Variants in CACNA2D3 observed in about 807,000 individuals in gnomAD.
CACNA2D3 encodes calcium voltage-gated channel auxiliary subunit alpha2delta 3.
In CACNA2D3, 60 loss-of-function variants were observed where a neutral mutation model predicts 160.6. The observed-to-expected ratio is 0.37, with a 90% CI of 0.30 to 0.46. CACNA2D3 has a LOEUF of 0.46. Ranked by LOEUF, CACNA2D3 falls within the 20% of genes least tolerant of loss-of-function variation. The pLI is 1.00. For missense variants in CACNA2D3, 1,205 were observed against 1,365.0 expected, an observed-to-expected ratio of 0.88 and a Z score of 1.85; for synonymous variants, 558 against 492.9, an observed-to-expected ratio of 1.13 and a Z score of -1.75.
At chr3:54,354,529 A>G (rs1478144860) in intron 3 of CACNA2D3, among the ~76,000 whole-genome samples, 1 of 152,198 alleles carries the variant, frequency 6.6e-6, no homozygotes, top group Non-Finnish European at 1.5e-5. Flanking sequence ...TTTTCATCCA[A>G]GGGCCCCTCC....
At chr3:54,359,672 G>A (rs1158141468) in intron 3 of CACNA2D3, among the ~76,000 whole-genome samples, 1 of 152,176 alleles carries the variant, frequency 6.6e-6, no homozygotes, top group African/African-American at 2.4e-5. Flanking sequence ...CATTATAGTT[G>A]CATGACATCT....
intron 11 of CACNA2D3, among the ~76,000 whole-genome samples, chr3:54,704,737 C>T (rs1700826044): frequency 6.6e-6 from 1 of 152,070 alleles, no homozygotes; most frequent in South Asian, 2.1e-4. Flanking sequence ...TGTGGGACTC[C>T]TTCCTATTGT....
intron 4 of CACNA2D3, among the ~76,000 whole-genome samples, chr3:54,475,273 A>C (rs374177043): frequency 2.6e-5 from 4 of 152,268 alleles, no homozygotes; most frequent in Admixed American, 1.3e-4. Context: ...GTGTGCAACA[A>C]ATAGTCCTGA....
chr3:54,901,937 G>A (rs1034290025), intron 27 of CACNA2D3, among the ~76,000 whole-genome samples: 3 of 152,088 alleles, frequency 2.0e-5, no homozygotes. Flanking sequence ...GATTAGGTTT[G>A]GTAACTTTCC....
chr3:54,564,585 T>A (rs1702379554), intron 6 of CACNA2D3, among the ~76,000 whole-genome samples: 1 of 152,192 alleles, frequency 6.6e-6, no homozygotes, highest in Non-Finnish European at 1.5e-5. Context: ...TGCGAGGATG[T>A]TTTTCTTTTC....
chr3:54,964,756 C>A (rs552481866), intron 27 of CACNA2D3, among the ~76,000 whole-genome samples: 1 of 152,108 alleles, frequency 6.6e-6, no homozygotes, highest in South Asian at 2.1e-4. Context: ...TAGAGTTGGC[C>A]ATAGGATTCC....
At chr3:54,603,658 G>A (rs1274484368) in intron 9 of CACNA2D3, among the ~76,000 whole-genome samples, 1 of 152,238 alleles carries the variant, frequency 6.6e-6, no homozygotes, top group Non-Finnish European at 1.5e-5. Context: ...GACATGCTGG[G>A]AAGAGGAGCA....
At chr3:54,740,072 A>T (rs1196813886) in intron 11 of CACNA2D3, among the ~76,000 whole-genome samples, 1 of 151,950 alleles carries the variant, frequency 6.6e-6, no homozygotes. Flanking sequence ...GGGAAACATA[A>T]AACAGAAAAG....
rs190851153 is a variant in CACNA2D3 at position 54,659,400 on chromosome 3, A to G, written c.1167+17159A>G. 1.3e-3 allele frequency among the ~76,000 whole-genome samples: 191 copies of G among 152,312 alleles called. 1 individual carries two copies. The highest frequency in any genetic ancestry group is 4.3e-3 in the African/African-American group (180 of 41,576). On this transcript the variant is annotated intron_variant, in intron 11 of 37. Coordinates refer to ENST00000474759, the MANE Select transcript of CACNA2D3 (RefSeq NM_018398.3). ...CAGCACTTTTATGATACAGATATTT[A>G]TAGTATATCCCTTTTGTAAGTGAGA...
chr3:54,254,206 C>A (rs1185006989), intron 2 of CACNA2D3, among the ~76,000 whole-genome samples: 2 of 152,164 alleles, frequency 1.3e-5, no homozygotes, highest in African/African-American at 4.8e-5. Flanking sequence ...GATGCTCTCC[C>A]ATCAGATGGC....
chr3:54,345,595 G>C (rs978175105), intron 3 of CACNA2D3, among the ~76,000 whole-genome samples: 1 of 152,120 alleles, frequency 6.6e-6, no homozygotes, highest in Non-Finnish European at 1.5e-5. Context: ...GAGAGGCTGA[G>C]ACATTGTTTT....
chr3:54,737,521 A>G (rs1013503660), intron 11 of CACNA2D3, among the ~76,000 whole-genome samples: 10 of 152,088 alleles, frequency 6.6e-5, no homozygotes, highest in Non-Finnish European at 1.0e-4. Flanking sequence ...GCCTGGGAAG[A>G]AGAGGGTGGT....
intron 2 of CACNA2D3, among the ~76,000 whole-genome samples, chr3:54,259,998 C>A (rs980830545): frequency 4.6e-5 from 7 of 152,312 alleles, no homozygotes; most frequent in Admixed American, 3.9e-4. Flanking sequence ...CTTGGGAATT[C>A]AGAATCTTTA....
intron 31 of CACNA2D3, among the ~76,000 whole-genome samples, chr3:54,998,930 T>G (rs1702920376): frequency 6.6e-6 from 1 of 152,090 alleles, no homozygotes; most frequent in African/African-American, 2.4e-5. Flanking sequence ...ATATTTTTAG[T>G]AGAGACGGGG....
At chr3:54,881,483 A>G (rs373261080) in intron 21 of CACNA2D3, among the ~76,000 whole-genome samples, 1 of 152,236 alleles carries the variant, frequency 6.6e-6, no homozygotes. Context: ...AAACAGGAGC[A>G]GTTGTTATAG....
rs72877968 is a variant in CACNA2D3, at chr3:54,957,794, G to A, written c.2450-10656G>A. Among the ~76,000 whole-genome samples, 453 of 152,178 alleles carry A rather than the reference G, an allele frequency of 3.0e-3. 2 individuals are homozygous for A. Among genetic ancestry groups the A allele is most frequent in the African/African-American group, 0.01 (431 of 41,504 alleles). ...ATCTCTCACCCGGTAGGATGAGCAC[G>A]CATGACCCCTACACAGTCCCCCAGA... On this transcript the variant is annotated intron_variant, in intron 27 of 37. Transcript: ENST00000474759.
intron 13 of CACNA2D3, among the ~76,000 whole-genome samples, chr3:54,799,954 T>C (rs1702947559): frequency 6.6e-6 from 1 of 152,242 alleles, no homozygotes; most frequent in Non-Finnish European, 1.5e-5. Flanking sequence ...TTTCCTTATA[T>C]AGACCTACAT....
chr3:55,040,990 C>T (rs1236767131), intron 35 of CACNA2D3, among the ~76,000 whole-genome samples: 1 of 152,050 alleles, frequency 6.6e-6, no homozygotes, highest in Non-Finnish European at 1.5e-5. Context: ...GAAATGTATT[C>T]ATTTTTTTCA....
chr3:54,930,770 C>T (rs1050892422), intron 27 of CACNA2D3, among the ~76,000 whole-genome samples: 1 of 152,180 alleles, frequency 6.6e-6, no homozygotes, highest in Non-Finnish European at 1.5e-5. Flanking sequence ...TACTTAAGTG[C>T]CTAGCACATA....
Sources: gnomAD v4.1 joint callset for allele counts (sites outside exome capture counted in the v4.1 genomes callset) on GRCh38, gnomAD v4.1.1 for gene constraint, MANE v1.5 for transcripts, NCBI Gene and HGNC (gene_info 2026-07-23, HGNC 2026-07-21) for gene names.